The following IQSEC1 variants were observed in gnomAD, a reference collection of about 807,000 sequenced individuals.
IQSEC1 encodes IQ motif and SEC7 domain-containing protein 1.
In IQSEC1, 31 loss-of-function variants were observed where a neutral mutation model predicts 91.0. The observed-to-expected ratio is 0.34, with a 90% CI of 0.26 to 0.46. The LOEUF (loss-of-function observed/expected upper bound fraction) is 0.46, where lower values mean the gene tolerates loss of function less well. Ranked by LOEUF, IQSEC1 falls within the 20% of genes least tolerant of loss-of-function variation. The pLI, the probability that IQSEC1 is intolerant of heterozygous loss-of-function variation, is 1.00. For synonymous variants in IQSEC1, 699 were observed against 662.6 expected (o/e 1.05, Z -0.84); for missense variants, 1,388 against 1,575.6 (o/e 0.88, Z 2.02).
chr3:13,207,445 CT>C lies in IQSEC1; in HGVS notation c.273-43313del, dbSNP rs79728556. ...TTCCCTCTGGCCACCCCCAGACCCCCTGCTGCCATTCTAACTCTCCCCATGA... is the reference window on the plus strand; with the variant it reads ...TTCCCTCTGGCCACCCCCAGACCCCCGCTGCCATTCTAACTCTCCCCATGA... On this transcript the variant is annotated intron_variant, in intron 1 of 15. Transcript: ENST00000648114. This position sits in a 1 kb window ranked among gnomAD's most constrained non-coding sequence, Gnocchi z 4.8. Among the ~76,000 whole-genome samples the C allele has an allele frequency of 0.24, 36,911 of 151,990 alleles. 4,828 individuals carry two copies. The highest frequency in any genetic ancestry group is 0.29 in the Non-Finnish European group (19,879 of 67,930).
intron 1 of IQSEC1, among the ~76,000 whole-genome samples, chr3:13,261,420 C>T (rs1439411063): frequency 1.3e-5 from 2 of 152,176 alleles, no homozygotes; most frequent in East Asian, 3.9e-4. Context: ...CCCTCGATGC[C>T]CCCTCTACCC....
chr3:13,186,552 G>C (rs1485843500), intron 1 of IQSEC1, among the ~76,000 whole-genome samples: 1 of 152,220 alleles, frequency 6.6e-6, no homozygotes, highest in African/African-American at 2.4e-5. Context: ...GCTTGGGTTG[G>C]TGCCGCCTGC....
In IQSEC1 at chr3:12,899,489, G is replaced by GT; in HGVS notation, c.*1493_*1494insA. On this transcript the variant is annotated 3_prime_UTR_variant, in exon 14 of 14. Coordinates refer to ENST00000613206, the MANE Select transcript of IQSEC1 (RefSeq NM_001134382.3). ...GCACAGACCTGCCGCGTGCAGGTCT[G>GT]GCCCTGGGGAGCGCATGGTGTCACC... The GT allele has an allele frequency of 6.3e-7, 1 of 1,586,642 alleles. No homozygotes were observed. Among genetic ancestry groups the GT allele is most frequent in the Non-Finnish European group, 8.6e-7 (1 of 1,166,106 alleles).
intron 1 of IQSEC1, among the ~76,000 whole-genome samples, chr3:13,263,406 A>C (rs180676472): frequency 1.5e-5 from 2 of 134,914 alleles, no homozygotes; most frequent in Admixed American, 8.2e-5. Flanking sequence ...GGGGGAAAAA[A>C]GTACCTGACA....
chr3:13,187,012 G>A (rs995341215), intron 1 of IQSEC1, among the ~76,000 whole-genome samples: 6 of 149,812 alleles, frequency 4.0e-5, no homozygotes, highest in Non-Finnish European at 8.9e-5. Context: ...TTCCTTCTTC[G>A]TACTTTCAGT....
chr3:13,250,559 G>A (rs1264390074), intron 1 of IQSEC1, among the ~76,000 whole-genome samples: 1 of 146,644 alleles, frequency 6.8e-6, no homozygotes, highest in African/African-American at 2.6e-5. Flanking sequence ...CTCAGCCTCC[G>A]AGTAGCTGGG....
In IQSEC1 at chr3:12,940,650, C is replaced by T. The variant is rs996847158; in HGVS notation, c.318+921G>A. Among the ~76,000 whole-genome samples the T allele has an allele frequency of 2.0e-5, 3 of 151,928 alleles. No individual in the cohort carries two copies. The highest frequency in any genetic ancestry group is 6.6e-5 in the Admixed American group (1 of 15,266). ...AGCTGGGGAGAGTCTGACAGCCCTC[C>T]CCAGCCTGCCCCTGCAAGCTTGCAG... On this transcript the variant is annotated intron_variant, in intron 2 of 13. Coordinates refer to ENST00000613206, the MANE Select transcript of IQSEC1 (RefSeq NM_001134382.3). The surrounding 1 kb of genome is among the most constrained non-coding windows in gnomAD (Gnocchi z 4.4).
chr3:13,075,563 T>A (rs879886340), upstream of IQSEC1, among the ~76,000 whole-genome samples: 1 of 152,232 alleles, frequency 6.6e-6, no homozygotes, highest in Non-Finnish European at 1.5e-5. Flanking sequence ...ATGACATGCA[T>A]CTGCACATCC....
chr3:12,963,550 T>G (rs1033265998), intron 1 of IQSEC1, among the ~76,000 whole-genome samples: 1 of 152,262 alleles, frequency 6.6e-6, no homozygotes, highest in African/African-American at 2.4e-5. Flanking sequence ...TGGGGATCTA[T>G]CTGTATGCTT....
intron 2 of IQSEC1, among the ~76,000 whole-genome samples, chr3:13,107,349 C>A (rs892459694): frequency 6.6e-6 from 1 of 152,224 alleles, no homozygotes; most frequent in African/African-American, 2.4e-5. Flanking sequence ...GCGGCCATTG[C>A]CAACAGGACC....
chr3:13,229,256 G>A (rs1221090954), intron 1 of IQSEC1, among the ~76,000 whole-genome samples: 6 of 152,186 alleles, frequency 3.9e-5, no homozygotes, highest in African/African-American at 1.4e-4. Context: ...TTCTTAGTAT[G>A]GTGAGGTTCT....
chr3:12,936,208 C>T lies in IQSEC1; in HGVS notation c.808G>A (p.Ala270Thr), dbSNP rs771166621. 4.3e-6 allele frequency: 7 copies of T among 1,612,946 alleles called. No individual in the cohort carries two copies. The highest frequency in any genetic ancestry group is 2.2e-5 in the South Asian group (2 of 91,086). Reference sequence around the variant, plus strand: ...TTGCGGTGGTCCATGCCGTGCAGGGCTGTCTGGGGTTCGGTGTCCCGGGCC... The same window carrying T: ...TTGCGGTGGTCCATGCCGTGCAGGGTTGTCTGGGGTTCGGTGTCCCGGGCC... ...ARARDTEPQT[A>T]LHGMDHRKLD... Residue 270 changes from alanine (A) to threonine (T), a missense_variant, in exon 3 of 14, where the codon GCC becomes ACC. Around this residue, in one of 2 missense-constraint regions of IQSEC1, gnomAD observed 1,059 missense variants for 1,317.8 expected, o/e 0.80. Transcript: ENST00000613206.
chr3:13,110,897 A>T (rs1706234344), intron 2 of IQSEC1, among the ~76,000 whole-genome samples: 1 of 152,212 alleles, frequency 6.6e-6, no homozygotes, highest in African/African-American at 2.4e-5. Context: ...CAGGAAACAG[A>T]CAGCCAGCTC....
Position 12,899,328 on chromosome 3 carries a change from G to C in IQSEC1, c.*1655C>G. 3.2e-6 allele frequency: 5 copies of C among 1,577,182 alleles called. No individual in the cohort carries two copies. The highest frequency in any genetic ancestry group is 4.3e-6 in the Non-Finnish European group (5 of 1,153,164). ...GCCCGCAGAGTCAGGCGTGAGCTTC[G>C]CCCTTTCTGAAAGGGCCTCCGCCTG... is the stretch of plus-strand genomic sequence containing the variant. On this transcript the variant is annotated 3_prime_UTR_variant, in exon 14 of 14. Transcript: ENST00000613206.
intron 1 of IQSEC1, among the ~76,000 whole-genome samples, chr3:13,012,439 C>A (rs548984343): frequency 6.6e-6 from 1 of 152,172 alleles, no homozygotes; most frequent in Non-Finnish European, 1.5e-5. Flanking sequence ...GAGCTCACCC[C>A]CTTCTCAGCC....
chr3:13,078,453 C>T (rs1705597463), intron 2 of IQSEC1, among the ~76,000 whole-genome samples: 1 of 152,176 alleles, frequency 6.6e-6, no homozygotes, highest in South Asian at 2.1e-4. Context: ...GCTGCCATAC[C>T]CCTCCTTTCT....
intron 5 of IQSEC1, among the ~76,000 whole-genome samples, chr3:12,921,815 T>A (rs1445623638): frequency 6.6e-6 from 1 of 152,228 alleles, no homozygotes; most frequent in Non-Finnish European, 1.5e-5. Flanking sequence ...AGAATCCTGA[T>A]GTGAACAGCC....
intron 1 of IQSEC1, among the ~76,000 whole-genome samples, chr3:13,041,238 G>A (rs1042213194): frequency 1.3e-5 from 2 of 152,066 alleles, no homozygotes; most frequent in African/African-American, 4.8e-5. Flanking sequence ...TGGGGTGAAA[G>A]GCTGCACCAC....
At chr3:13,233,771 G>A (rs1694873742) in intron 1 of IQSEC1, among the ~76,000 whole-genome samples, 1 of 152,178 alleles carries the variant, frequency 6.6e-6, no homozygotes, top group Non-Finnish European at 1.5e-5. Flanking sequence ...ACTCCCCAGG[G>A]AAGAGTGAGG....
Sources: allele counts gnomAD v4.1 joint callset (sites outside exome capture counted in the v4.1 genomes callset), GRCh38; gene constraint gnomAD v4.1.1; regional missense constraint gnomAD v4.1.1; non-coding constraint Gnocchi (gnomAD v3.1); transcripts MANE v1.5; gene names NCBI Gene and HGNC (gene_info 2026-07-23, HGNC 2026-07-21).